Variants in SV2C observed in about 807,000 individuals in gnomAD.
SV2C encodes the protein synaptic vesicle glycoprotein 2C.
In SV2C, 49 loss-of-function variants were observed where a neutral mutation model predicts 79.7. The observed-to-expected ratio is 0.61, with a 90% CI of 0.49 to 0.78. SV2C has a LOEUF of 0.78. Ranked by LOEUF, SV2C falls within the 30% of genes least tolerant of loss-of-function variation. The pLI, the probability that SV2C is intolerant of heterozygous loss-of-function variation, is 0.00. For missense variants in SV2C, 833 were observed against 912.9 expected (o/e 0.91, Z 1.13); for synonymous variants, 334 against 333.2 (o/e 1.00, Z -0.03).
intron 1 of SV2C, among the ~76,000 whole-genome samples, chr5:76,104,519 G>T (rs1747846142): frequency 6.6e-6 from 1 of 152,092 alleles, no homozygotes; most frequent in African/African-American, 2.4e-5. Context: ...CAAGGAGCTG[G>T]GACTACAGGT....
chr5:76,000,608 G>C, the SV2C span, among the ~76,000 whole-genome samples: 1 of 152,158 alleles, frequency 6.6e-6, no homozygotes, highest in African/African-American at 2.4e-5. Context: ...CCTATAAGCA[G>C]CATTTACTAT....
the SV2C span, among the ~76,000 whole-genome samples, chr5:75,970,689 A>G: frequency 6.6e-6 from 1 of 152,146 alleles, no homozygotes; most frequent in Non-Finnish European, 1.5e-5. Context: ...TTAATAGCTT[A>G]CCAACCAAAA....
At chr5:75,992,637 C>T in the SV2C span, among the ~76,000 whole-genome samples, 2 of 152,018 alleles carry the variant, frequency 1.3e-5, no homozygotes, top group Non-Finnish European at 2.9e-5. Context: ...CATGCACAGA[C>T]AGCAAGGTGT....
chr5:76,246,681 A>C (rs1010416160), intron 4 of SV2C, among the ~76,000 whole-genome samples: 6 of 152,138 alleles, frequency 3.9e-5, no homozygotes, highest in African/African-American at 1.4e-4. Context: ...TCTTCTTAGA[A>C]AATCAGGTTA....
At chr5:76,310,178 G>A (rs1748381601) in intron 12 of SV2C, among the ~76,000 whole-genome samples, 1 of 152,226 alleles carries the variant, frequency 6.6e-6, no homozygotes, top group South Asian at 2.1e-4. Flanking sequence ...ATAGTTTGAG[G>A]AAGACAGTCC....
the SV2C span, among the ~76,000 whole-genome samples, chr5:75,880,995 A>T: frequency 2.6e-5 from 4 of 152,158 alleles, no homozygotes; most frequent in Non-Finnish European, 5.9e-5. Context: ...GGGGGAACAG[A>T]TCTCACATGG....
chr5:75,876,733 A>G, the SV2C span, among the ~76,000 whole-genome samples: 1 of 152,130 alleles, frequency 6.6e-6, no homozygotes, highest in African/African-American at 2.4e-5. Flanking sequence ...GTATCACTGA[A>G]ATTAAGCCAG....
At chr5:76,139,692 T>A (rs969312314) in intron 2 of SV2C, among the ~76,000 whole-genome samples, 1 of 152,046 alleles carries the variant, frequency 6.6e-6, no homozygotes, top group Admixed American at 6.5e-5. Flanking sequence ...ACTTCATAGA[T>A]ACTAGGTTTT....
At chr5:76,301,585 C>T in intron 12 of SV2C, 40 bp downstream of exon 12, 10 of 1,575,370 alleles carry the variant, frequency 6.3e-6, no homozygotes, top group Non-Finnish European at 8.6e-6. Context: ...CACTCTAAGC[C>T]CTGTGAGACC....
At chr5:75,900,728 G>C in the SV2C span, among the ~76,000 whole-genome samples, 4 of 152,180 alleles carry the variant, frequency 2.6e-5, no homozygotes, top group African/African-American at 9.6e-5. Context: ...ACACCAATCA[G>C]ATGTAGATTT....
intron 3 of SV2C, among the ~76,000 whole-genome samples, chr5:76,197,084 G>A (rs1419429262): frequency 6.6e-6 from 1 of 152,236 alleles, no homozygotes; most frequent in African/African-American, 2.4e-5. Context: ...TTATCATGGA[G>A]TCTTAGGAAA....
At chr5:76,096,727 G>A (rs1214015102) in intron 1 of SV2C, among the ~76,000 whole-genome samples, 1 of 152,116 alleles carries the variant, frequency 6.6e-6, no homozygotes, top group Non-Finnish European at 1.5e-5. Flanking sequence ...ATTTCTAGAG[G>A]CAATTACCTT....
intron 4 of SV2C, among the ~76,000 whole-genome samples, chr5:76,236,618 A>G (rs1357326247): frequency 6.6e-6 from 1 of 152,102 alleles, no homozygotes; most frequent in Non-Finnish European, 1.5e-5. Context: ...GGGAGATGCC[A>G]GGTTCTTTTT....
At chr5:76,052,232 G>T in the SV2C span, among the ~76,000 whole-genome samples, 3 of 152,126 alleles carry the variant, frequency 2.0e-5, no homozygotes, top group Non-Finnish European at 4.4e-5. Context: ...AAACATTAGA[G>T]TTTCAGTTAT....
the SV2C span, among the ~76,000 whole-genome samples, chr5:75,885,666 C>T: frequency 6.6e-6 from 1 of 152,136 alleles, no homozygotes; most frequent in Non-Finnish European, 1.5e-5. Flanking sequence ...CCTCCCACCT[C>T]ATACTCCCAA....
At chr5:76,313,436 G>T (rs1032540522) in intron 12 of SV2C, among the ~76,000 whole-genome samples, 2 of 152,140 alleles carry the variant, frequency 1.3e-5, no homozygotes, top group African/African-American at 4.8e-5. Context: ...AGGGTGAAGG[G>T]GGTGGGGAAT....
chr5:76,053,687 A>G, the SV2C span, among the ~76,000 whole-genome samples: 4,528 of 152,250 alleles, frequency 0.03, 107 homozygotes, highest in Non-Finnish European at 0.043. Context: ...AGGCAACTCA[A>G]TTGTGCTTCC....
intron 2 of SV2C, among the ~76,000 whole-genome samples, chr5:76,177,651 T>A (rs1387657525): frequency 6.6e-6 from 1 of 152,150 alleles, no homozygotes; most frequent in African/African-American, 2.4e-5. Context: ...ATTCCAGATA[T>A]GTGTTATTAT....
intron 2 of SV2C, among the ~76,000 whole-genome samples, chr5:76,193,032 T>C (rs1316632637): frequency 1.3e-5 from 2 of 152,184 alleles, no homozygotes; most frequent in Non-Finnish European, 2.9e-5. Flanking sequence ...CTATTTACAC[T>C]GCTGTTCGGG....
Sources: allele counts gnomAD v4.1 joint callset (sites outside exome capture counted in the v4.1 genomes callset), GRCh38; gene constraint gnomAD v4.1.1; transcripts MANE v1.5; gene names NCBI Gene and HGNC (gene_info 2026-07-23, HGNC 2026-07-21).